Variants in SLC27A2 observed in about 807,000 individuals in gnomAD.
SLC27A2 encodes long-chain fatty acid transport protein 2.
SLC27A2 carries 54 observed loss-of-function variants against 60.0 expected under a neutral mutation model. The ratio of observed to expected loss-of-function variants is 0.90; its 90% CI spans 0.72 to 1.13. SLC27A2 has a LOEUF of 1.13. SLC27A2 is among the 50% of genes most tolerant of loss of function. The probability of loss-of-function intolerance (pLI) is 0.00; values close to 1 mark genes in which losing one functional copy is unlikely to be tolerated. For missense variants in SLC27A2, 739 were observed against 777.6 expected (o/e 0.95, Z 0.59); for synonymous variants, 297 against 297.6 (o/e 1.00, Z 0.02).
intron 1 of SLC27A2, among the ~76,000 whole-genome samples, chr15:50,186,049 G>A (rs1473142586): frequency 1.3e-5 from 2 of 151,198 alleles, no homozygotes; most frequent in Non-Finnish European, 2.9e-5. Context: ...ACTAGCCTGG[G>A]CAACATGATG....
chr15:50,197,168 A>AT (rs34593760), intron 1 of SLC27A2, among the ~76,000 whole-genome samples: 1,715 of 151,376 alleles, frequency 0.011, 30 homozygotes, highest in African/African-American at 0.04. Flanking sequence ...GAATCCTGTG[A>AT]TTTTTTTTTT....
At chr15:50,190,860 C>T (rs997251038) in intron 1 of SLC27A2, 1 of 152,198 alleles carries the variant, frequency 6.6e-6, no homozygotes, top group African/African-American at 2.4e-5. Context: ...CACTGTTTCT[C>T]ATACTCAAAC....
intron 1 of SLC27A2, among the ~76,000 whole-genome samples, chr15:50,184,084 A>AG (rs1320955458): frequency 7.4e-6 from 1 of 135,372 alleles, no homozygotes; most frequent in East Asian, 2.2e-4. Flanking sequence ...TCTGCCTCCC[A>AG]GGCTCAAGCG....
In SLC27A2 at chr15:50,197,549, T is replaced by C. The variant is rs1444867393; in HGVS notation, c.528T>C (p.Asp176=). 6.2e-7 allele frequency: 1 copy of C among 1,614,024 alleles called. No individual in the cohort carries two copies. The highest frequency in any genetic ancestry group is 1.7e-5 in the Admixed American group (1 of 60,024). ...EEILPSLKKD[D]VSIYYVSRTS... is the part of the protein sequence containing the mutation. ...TACTGCCAAGCCTTAAAAAAGATGA[T>C]GTGTCCATCTATTATGTGAGCAGAA... Residue 176 remains aspartate, a synonymous_variant, in exon 2 of 10, where the codon GAT becomes GAC. Coordinates refer to ENST00000267842, the MANE Select transcript of SLC27A2 (RefSeq NM_003645.4).
At chr15:50,216,647 T>C (rs953137681) in intron 4 of SLC27A2, among the ~76,000 whole-genome samples, 1 of 106,654 alleles carries the variant, frequency 9.4e-6, no homozygotes, top group African/African-American at 3.4e-5. Context: ...TATATATATA[T>C]ATATATATAG....
In SLC27A2 at chr15:50,224,535, A is replaced by G. The variant is rs2045266178; in HGVS notation, c.1167+1376A>G. 1.3e-5 allele frequency among the ~76,000 whole-genome samples: 2 copies of G among 152,222 alleles called. 1 individual carries two copies. Among genetic ancestry groups the G allele is most frequent in the South Asian group, 4.1e-4 (2 of 4,828 alleles). ...CAGCCTTGAATAATTGTTAGCCGTA[A>G]TGATGATAATCACTCTATTTCTTAT... On this transcript the variant is annotated intron_variant, in intron 5 of 9. Transcript: ENST00000267842.
intron 8 of SLC27A2, among the ~76,000 whole-genome samples, chr15:50,230,314 G>C (rs551453269): frequency 6.6e-6 from 1 of 151,666 alleles, no homozygotes; most frequent in South Asian, 2.1e-4. Flanking sequence ...AGGCCAAGGC[G>C]GATGGATCAC....
chr15:50,185,973 C>T (rs1256203712), intron 1 of SLC27A2, among the ~76,000 whole-genome samples: 1 of 151,768 alleles, frequency 6.6e-6, no homozygotes, highest in African/African-American at 2.4e-5. Flanking sequence ...CACTATGGCT[C>T]ACTCCTGTAA....
chr15:50,227,155 C>T lies in SLC27A2; in HGVS notation c.1434C>T (p.His478=), dbSNP rs140573090. 123 of 1,613,934 alleles carry T rather than the reference C, an allele frequency of 7.6e-5. No individual in the cohort carries two copies. Among genetic ancestry groups the T allele is most frequent in the Admixed American group, 1.2e-4 (7 of 60,016 alleles). The change falls in exon 7 of 10, where the codon CAC becomes CAT. Residue 478 remains histidine (H), a synonymous_variant. Coordinates refer to ENST00000267842, the MANE Select transcript of SLC27A2 (RefSeq NM_003645.4). ...MVDHENFIYF[H]DRVGDTFRWK... The stretch of plus-strand genomic sequence containing the variant: ...ACCATGAAAATTTCATCTATTTCCA[C>T]GACAGAGTTGGAGATACATTCCGGT...
Position 50,236,094 on chromosome 15 carries a change from T to C in SLC27A2, c.1861T>C (p.Ter621ArgextTer6). The change falls in exon 10 of 10, where the codon TGA (stop) becomes CGA (arginine). Residue 621 changes from the stop codon to arginine (R), a stop_lost. Coordinates refer to ENST00000267842, the MANE Select transcript of SLC27A2 (RefSeq NM_003645.4). ...NAISAKTLKL[*>R] is the part of the protein sequence containing the mutation. ...CATAAGTGCTAAAACCCTGAAACTC[T>C]GAATATTCCCAGGAGGATAACTCAA... 1 of 1,584,250 alleles carries C rather than the reference T, an allele frequency of 6.3e-7. No individual in the cohort carries two copies. The highest frequency in any genetic ancestry group is 8.6e-7 in the Non-Finnish European group (1 of 1,160,724).
intron 4 of SLC27A2, among the ~76,000 whole-genome samples, chr15:50,216,574 A>G (rs1282275185): frequency 2.8e-5 from 4 of 143,998 alleles, no homozygotes; most frequent in Non-Finnish European, 6.1e-5. Context: ...CCATCAATCA[A>G]CAAGTGGATA....
chr15:50,197,648 A>C lies in SLC27A2; in HGVS notation c.627A>C (p.Ser209=), dbSNP rs371850758. The change falls in exon 2 of 10, where the codon TCA becomes TCC. Residue 209 remains serine (S), a synonymous_variant. Coordinates refer to ENST00000267842, the MANE Select transcript of SLC27A2 (RefSeq NM_003645.4). The stretch of plus-strand genomic sequence containing the variant: ...TATCAACTGAACCTATCCCAGAGTC[A>C]TGGAGGTCTGAAGTCACTTTTTCCA... ...DEVSTEPIPE[S]WRSEVTFSTP... 3.7e-6 allele frequency: 6 copies of C among 1,614,026 alleles called. No individual in the cohort carries two copies. The African/African-American group carries it at 6.7e-5, about 18-fold the overall frequency.
At chr15:50,206,083 G>T (rs1184875191) in intron 4 of SLC27A2, among the ~76,000 whole-genome samples, 1 of 152,152 alleles carries the variant, frequency 6.6e-6, no homozygotes. Flanking sequence ...CAGAGATCTG[G>T]TATCAGATAG....
In SLC27A2 at chr15:50,202,468, C is replaced by G; in HGVS notation, c.689-19C>G. 1 of 1,613,918 alleles carries G rather than the reference C, an allele frequency of 6.2e-7. No individual in the cohort carries two copies. The highest frequency in any genetic ancestry group is 8.5e-7 in the Non-Finnish European group (1 of 1,179,794). On this transcript the variant is annotated intron_variant, in intron 2 of 9. Transcript: ENST00000267842. The stretch of plus-strand genomic sequence containing the variant: ...CCCAATCTTGGTTAACTCATGCCTT[C>G]TCTTGTATATTTACAAAGGTCTTCC...
intron 4 of SLC27A2, among the ~76,000 whole-genome samples, chr15:50,221,644 A>C (rs1475166266): frequency 6.6e-6 from 1 of 152,198 alleles, no homozygotes; most frequent in Admixed American, 6.5e-5. Context: ...TGTAAGAAAT[A>C]ATATAGAAAA....
chr15:50,226,077 A>G lies in SLC27A2; in HGVS notation c.1257A>G (p.Lys419=), dbSNP rs1266310567. The stretch of plus-strand genomic sequence containing the variant: ...ATGGATATTGCGTCAGAGTTCCCAA[A>G]GGTACAGTGGACTTTTGTTCAATCA... ...DENGYCVRVP[K]GEVGLLVCKI... The change falls in exon 6 of 10, where the codon AAA becomes AAG. Residue 419 remains lysine, a splice_region_variant and synonymous_variant. Coordinates refer to ENST00000267842, the MANE Select transcript of SLC27A2 (RefSeq NM_003645.4). The G allele has an allele frequency of 6.3e-7, 1 of 1,597,472 alleles. No homozygotes were observed. Among genetic ancestry groups the G allele is most frequent in the Non-Finnish European group, 8.6e-7 (1 of 1,164,878 alleles).
intron 8 of SLC27A2, among the ~76,000 whole-genome samples, chr15:50,230,640 G>A (rs1192090555): frequency 6.6e-6 from 1 of 152,200 alleles, no homozygotes; most frequent in Non-Finnish European, 1.5e-5. Flanking sequence ...CTTGATGTGA[G>A]AGGGGACAGA....
chr15:50,183,039 G>A (rs2044880737), intron 1 of SLC27A2, 134 bp downstream of exon 1: 2 of 896,978 alleles, frequency 2.2e-6, no homozygotes, highest in Non-Finnish European at 3.4e-6. Flanking sequence ...GGTTGGCAGT[G>A]TTTCCTTGAA....
intron 4 of SLC27A2, 25 bp downstream of exon 4, chr15:50,205,388 C>G (rs1402658849): frequency 6.3e-7 from 1 of 1,587,580 alleles, no homozygotes; most frequent in Non-Finnish European, 8.6e-7. Flanking sequence ...GTTTTACTAT[C>G]ATTTTGAAAT....
Sources: gnomAD v4.1 joint callset for allele counts (sites outside exome capture counted in the v4.1 genomes callset) on GRCh38, gnomAD v4.1.1 for gene constraint, MANE v1.5 for transcripts, NCBI Gene and HGNC (gene_info 2026-07-23, HGNC 2026-07-21) for gene names.